Variants in AHRR observed in about 807,000 individuals in gnomAD.
AHRR encodes the protein aryl hydrocarbon receptor repressor.
In AHRR, 28 loss-of-function variants were observed where a neutral mutation model predicts 44.0. The observed-to-expected ratio is 0.64, with a 90% CI of 0.47 to 0.87. The LOEUF (loss-of-function observed/expected upper bound fraction) is 0.87. Ranked by LOEUF, AHRR falls within the 40% of genes least tolerant of loss-of-function variation. The probability of loss-of-function intolerance (pLI) is 0.00; values close to 1 mark genes in which losing one functional copy is unlikely to be tolerated. For missense variants in AHRR, 990 were observed against 953.9 expected, an observed-to-expected ratio of 1.04 and a Z score of -0.50; for synonymous variants, 434 against 407.0, an observed-to-expected ratio of 1.07 and a Z score of -0.80.
intron 1 of AHRR, among the ~76,000 whole-genome samples, chr5:325,217 G>A (rs754160922): frequency 3.9e-5 from 6 of 152,222 alleles, no homozygotes; most frequent in Non-Finnish European, 8.8e-5. Flanking sequence ...TTGCCCTGTG[G>A]CTCTGCACTC....
Position 427,741 on chromosome 5 carries a change from T to C in AHRR, c.709-66T>C. 3.7e-6 allele frequency: 6 copies of C among 1,612,696 alleles called. 1 individual carries two copies. The South Asian group carries it at 4.4e-5, about 12-fold the overall frequency. ...GCCGCTGTCGCGCCCTTGAGTTCTG[T>C]GTCCTGTGACCACCTTGCCAGGCCA... On this transcript the variant is annotated intron_variant, in intron 7 of 10. Transcript: ENST00000684583.
chr5:387,252 C>T lies in AHRR; in HGVS notation c.351+10536C>T, dbSNP rs752700615. 1.3e-5 allele frequency among the ~76,000 whole-genome samples: 2 copies of T among 152,234 alleles called. No individual in the cohort carries two copies. Among genetic ancestry groups the T allele is most frequent in the African/African-American group, 2.4e-5 (1 of 41,460 alleles). On this transcript the variant is annotated intron_variant, in intron 4 of 10. Coordinates refer to ENST00000684583, the MANE Select transcript of AHRR (RefSeq NM_001377236.1). This position sits in a 1 kb window ranked among gnomAD's most constrained non-coding sequence, Gnocchi z 5.1. ...TGTCTCCTGCTCTCTCCTCTGCTTA[C>T]GTCCCCCACCCTGCTGCCTCCTGGG...
rs1742371041 is a variant in AHRR, at chr5:342,187, C to T, written c.-10-1706C>T. Reference sequence around the variant, plus strand: ...TTGGATGGAGTGTTTTATAAATTTCCATTAATTCAAGTCTGTTGTCGTTTG... The same window carrying T: ...TTGGATGGAGTGTTTTATAAATTTCTATTAATTCAAGTCTGTTGTCGTTTG... On this transcript the variant is annotated intron_variant, in intron 1 of 10. Coordinates refer to ENST00000684583, the MANE Select transcript of AHRR (RefSeq NM_001377236.1). This position sits in a 1 kb window ranked among gnomAD's most constrained non-coding sequence, Gnocchi z 4.3. 6.6e-6 allele frequency among the ~76,000 whole-genome samples: 1 copy of T among 152,162 alleles called. No individual in the cohort carries two copies. The highest frequency in any genetic ancestry group is 2.1e-4 in the South Asian group (1 of 4,826).
chr5:397,972 TCCTGACCATCCACGTAGCC>T (rs1560907420), intron 4 of AHRR, among the ~76,000 whole-genome samples: 9 of 48,848 alleles, frequency 1.8e-4, no homozygotes, highest in South Asian at 1.3e-3. Context: ...TCCACATAGC[TCCTGACCATCCACGTAGCC>T]CCTGACCATC....
intron 3 of AHRR, 53 bp from the exon 4 acceptor site, chr5:376,557 A>AACGAGGGGAAACACAGGAAAGAT: frequency 7.0e-7 from 1 of 1,423,184 alleles, no homozygotes; most frequent in Non-Finnish European, 9.5e-7. Context: ...AATGAAGAAG[A>AACGAGGGGAAACACAGGAAAGAT]GTGGCCAGGC....
Position 437,977 on chromosome 5 carries a change from G to C in AHRR, c.*3143G>C, listed in dbSNP as rs1012488528. The C allele has an allele frequency of 5.3e-5, 8 of 152,310 alleles. No individual in the cohort carries two copies. The highest frequency in any genetic ancestry group is 1.7e-4 in the African/African-American group (7 of 41,408). 9.4% of individuals were successfully genotyped at this position (152,310 alleles called of 1,614,324 possible). On this transcript the variant is annotated 3_prime_UTR_variant, in exon 11 of 11. Coordinates refer to ENST00000684583, the MANE Select transcript of AHRR (RefSeq NM_001377236.1). ...TTGTTAGCACTAATTACAGGTTCAT[G>C]TTTTTCTGTGTATGTAGCTTTTCCC...
chr5:345,126 A>ATGTG (rs146530987), intron 2 of AHRR, among the ~76,000 whole-genome samples: 2 of 2,646 alleles, frequency 7.6e-4, no homozygotes, highest in Non-Finnish European at 1.3e-3. Context: ...GTGTGTGGGG[A>ATGTG]TGTGTGTGTG....
intron 1 of AHRR, 92 bp from the exon 2 acceptor site, chr5:343,801 C>T: frequency 1.5e-6 from 2 of 1,346,582 alleles, no homozygotes; most frequent in Non-Finnish European, 2.0e-6. Flanking sequence ...GGTGTGGGGG[C>T]GCCAGGACCG....
intron 3 of AHRR, among the ~76,000 whole-genome samples, chr5:368,824 C>G (rs537500194): frequency 6.6e-6 from 1 of 152,350 alleles, no homozygotes; most frequent in South Asian, 2.1e-4. Flanking sequence ...TCTTCGCTGG[C>G]TCAGAGGAAG....
At position 326,795 on chromosome 5, in the gene AHRR, A is replaced by T. The variant is rs1187966938; in HGVS notation, c.-11+4976A>T. 6.6e-6 allele frequency among the ~76,000 whole-genome samples: 1 copy of T among 152,138 alleles called. No homozygotes were observed. Among genetic ancestry groups the T allele is most frequent in the Non-Finnish European group, 1.5e-5 (1 of 68,026 alleles). On this transcript the variant is annotated intron_variant, in intron 1 of 10. Transcript: ENST00000684583. The surrounding 1 kb of genome is among the most constrained non-coding windows in gnomAD (Gnocchi z 4.1). ...TGATAGCTGGCCCGGCGCATGGTTC[A>T]CGCCTGTAATCCCTGCACTTTGGGA...
At position 388,026 on chromosome 5, in the gene AHRR, G is replaced by A. The variant is rs1262421895; in HGVS notation, c.351+11310G>A. Among the ~76,000 whole-genome samples the A allele has an allele frequency of 1.3e-5, 2 of 152,210 alleles. No individual in the cohort carries two copies. Among genetic ancestry groups the A allele is most frequent in the Non-Finnish European group, 2.9e-5 (2 of 68,036 alleles). ...TACAAATCTCCCTCTTGTAAGGACA[G>A]CAGTCATACTGGATTTAGGGCCCAC... On this transcript the variant is annotated intron_variant, in intron 4 of 10. Coordinates refer to ENST00000684583, the MANE Select transcript of AHRR (RefSeq NM_001377236.1). The surrounding 1 kb of genome is among the most constrained non-coding windows in gnomAD (Gnocchi z 5.2).
At chr5:378,303 T>G (rs1733830738) in intron 4 of AHRR, among the ~76,000 whole-genome samples, 1 of 152,236 alleles carries the variant, frequency 6.6e-6, no homozygotes, top group African/African-American at 2.4e-5. Context: ...TAAACCGCCT[T>G]GAGCCGGCAC....
At chr5:399,716 A>C (rs1490294387) in intron 4 of AHRR, among the ~76,000 whole-genome samples, 3 of 152,198 alleles carry the variant, frequency 2.0e-5, no homozygotes, top group African/African-American at 7.2e-5. Context: ...GGGGCCCAGG[A>C]CACCGGGTTA....
At position 342,737 on chromosome 5, in the gene AHRR, G is replaced by A. The variant is rs552814631; in HGVS notation, c.-10-1156G>A. Reference sequence around the variant, plus strand: ...GTTACTGCACACAGGTCTGCAGAACGTTTGTGAGGGCTCAGCTGCACCCAT... The same window carrying A: ...GTTACTGCACACAGGTCTGCAGAACATTTGTGAGGGCTCAGCTGCACCCAT... On this transcript the variant is annotated intron_variant, in intron 1 of 10. Transcript: ENST00000684583. The surrounding 1 kb of genome is among the most constrained non-coding windows in gnomAD (Gnocchi z 4.3). Among the ~76,000 whole-genome samples the A allele has an allele frequency of 6.6e-5, 10 of 152,350 alleles. No homozygotes were observed. The highest frequency in any genetic ancestry group is 4.1e-4 in the South Asian group (2 of 4,826).
At chr5:415,433 G>C (rs113387964) in intron 5 of AHRR, among the ~76,000 whole-genome samples, 3,948 of 67,950 alleles carry the variant, frequency 0.058, 41 homozygotes, top group Non-Finnish European at 0.084. Context: ...GGCCGAATCT[G>C]CCTGGTCGGG....
intron 3 of AHRR, among the ~76,000 whole-genome samples, chr5:361,915 G>A (rs893412285): frequency 5.3e-5 from 8 of 152,214 alleles, no homozygotes; most frequent in Non-Finnish European, 8.8e-5. Context: ...GGGTTAAGAC[G>A]TTTGGGGCTG....
chr5:416,198 A>G (rs536740423), intron 5 of AHRR, among the ~76,000 whole-genome samples: 357 of 152,348 alleles, frequency 2.3e-3, no homozygotes, highest in African/African-American at 8.3e-3. Flanking sequence ...TGCAGTGGAC[A>G]TGGCTGCCAA....
Position 437,832 on chromosome 5 carries a change from C to A in AHRR, c.*2998C>A, listed in dbSNP as rs1013714356. On this transcript the variant is annotated 3_prime_UTR_variant, in exon 11 of 11. Coordinates refer to ENST00000684583, the MANE Select transcript of AHRR (RefSeq NM_001377236.1). ...GTGTCCGACATCCCTTCCTCAACGG[C>A]AACAAAAACTCCCCAAGTCAGCACT... 6.6e-6 allele frequency: 1 copy of A among 152,378 alleles called. No individual in the cohort carries two copies. The highest frequency in any genetic ancestry group is 1.5e-5 in the Non-Finnish European group (1 of 68,046). 9.4% of individuals were successfully genotyped at this position (152,378 alleles called of 1,614,324 possible).
chr5:415,577 T>TAGGGGCCGAGTCTGCCTGGTCG (rs1735734884), intron 5 of AHRR, among the ~76,000 whole-genome samples: 1 of 27,446 alleles, frequency 3.6e-5, no homozygotes, highest in African/African-American at 1.2e-4. Context: ...CTGCCTGGTC[T>TAGGGGCCGAGTCTGCCTGGTCG]GCTGGGAGGC....
Sources: allele counts gnomAD v4.1 joint callset (sites outside exome capture counted in the v4.1 genomes callset), GRCh38; gene constraint gnomAD v4.1.1; non-coding constraint Gnocchi (gnomAD v3.1); transcripts MANE v1.5; gene names NCBI Gene and HGNC (gene_info 2026-07-23, HGNC 2026-07-21).